The following TGFBRAP1 variants were observed in gnomAD, a reference collection of about 807,000 sequenced individuals.
TGFBRAP1 encodes the protein transforming growth factor beta receptor associated protein 1.
In TGFBRAP1, 20 loss-of-function variants were observed where a neutral mutation model predicts 83.2. The ratio of observed to expected loss-of-function variants is 0.24; its 90% CI spans 0.17 to 0.35. The LOEUF is 0.35. TGFBRAP1 is among the 10% of genes least tolerant of loss of function. TGFBRAP1 has a pLI of 1.00. For synonymous variants in TGFBRAP1, 415 were observed against 459.8 expected (o/e 0.90, Z 1.25); for missense variants, 950 against 1,099.4 (o/e 0.86, Z 1.92).
chr2:105,292,283 G>C (rs1677940575), intron 4 of TGFBRAP1, among the ~76,000 whole-genome samples: 1 of 152,148 alleles, frequency 6.6e-6, no homozygotes, highest in South Asian at 2.1e-4. Context: ...AAAAAATAGG[G>C]AAGAATGAGA....
chr2:105,290,308 C>T (rs754224202), intron 4 of TGFBRAP1, among the ~76,000 whole-genome samples: 1 of 152,156 alleles, frequency 6.6e-6, no homozygotes, highest in Non-Finnish European at 1.5e-5. Context: ...CTCAAGTGAT[C>T]CTCCTGTCTC....
chr2:105,268,862 C>T (rs541559515), intron 11 of TGFBRAP1, among the ~76,000 whole-genome samples: 76 of 152,368 alleles, frequency 5.0e-4, no homozygotes, highest in African/African-American at 1.7e-3. Context: ...CGACTGCTCT[C>T]TGCCTCAATT....
chr2:105,270,215 A>G (rs1677104877), intron 10 of TGFBRAP1, among the ~76,000 whole-genome samples: 1 of 152,232 alleles, frequency 6.6e-6, no homozygotes, highest in African/African-American at 2.4e-5. Flanking sequence ...CATATTATTC[A>G]AAATCCATCT....
chr2:105,296,347 A>G lies in TGFBRAP1; in HGVS notation c.1038+9T>C. On this transcript the variant is annotated intron_variant, in intron 4 of 11. Coordinates refer to ENST00000393359, the MANE Select transcript of TGFBRAP1 (RefSeq NM_004257.6). ...AGAGGCATATTTCTGTGACCAGTTA[A>G]TTACAAACCTGAAATTTTTCCTTTG... The G allele has an allele frequency of 6.2e-7, 1 of 1,613,424 alleles. No individual in the cohort carries two copies. Among genetic ancestry groups the G allele is most frequent in the Non-Finnish European group, 8.5e-7 (1 of 1,179,880 alleles).
At chr2:105,314,080 C>T (rs1435987538) in intron 1 of TGFBRAP1, among the ~76,000 whole-genome samples, 1 of 151,858 alleles carries the variant, frequency 6.6e-6, no homozygotes, top group Non-Finnish European at 1.5e-5. Context: ...AATTTGTACA[C>T]AGAGACAGAT....
chr2:105,292,319 T>A (rs912492741), intron 4 of TGFBRAP1, among the ~76,000 whole-genome samples: 2 of 152,184 alleles, frequency 1.3e-5, no homozygotes, highest in African/African-American at 4.8e-5. Context: ...ACAAGATGCT[T>A]GCTGACTGCC....
At chr2:105,310,858 G>T (rs1369661772) in intron 1 of TGFBRAP1, among the ~76,000 whole-genome samples, 1 of 152,076 alleles carries the variant, frequency 6.6e-6, no homozygotes, top group Non-Finnish European at 1.5e-5. Context: ...AATCAATCAG[G>T]GTTGTCTTTT....
In TGFBRAP1 at chr2:105,272,988, A is replaced by G; in HGVS notation, c.1839T>C (p.Ala613=). The G allele has an allele frequency of 1.2e-6, 2 of 1,613,536 alleles. No individual in the cohort carries two copies. Among genetic ancestry groups the G allele is most frequent in the Non-Finnish European group, 1.7e-6 (2 of 1,179,942 alleles). The change falls in exon 10 of 12, where the codon GCT becomes GCC. Residue 613 remains alanine (A), a synonymous_variant. Coordinates refer to ENST00000393359, the MANE Select transcript of TGFBRAP1 (RefSeq NM_004257.6). ...GCAGCACCTCTTCCAGGTACAGCAC[A>G]GCTAAGTGGGTGTGATACTCTTCTT... The part of the protein sequence containing the change: ...LQKEEYHTHL[A]VLYLEEVLLQ...
At position 105,308,667 on chromosome 2, in the gene TGFBRAP1, C is replaced by T. The variant is rs547580257; in HGVS notation, c.-17-349G>A. Reference sequence around the variant, plus strand: ...GCAGAAGACAAATGCATGCATTCACCCACGGGCAACATAACAAAAGGATTT... The same window carrying T: ...GCAGAAGACAAATGCATGCATTCACTCACGGGCAACATAACAAAAGGATTT... On this transcript the variant is annotated intron_variant, in intron 1 of 11. Transcript: ENST00000393359. Among the ~76,000 whole-genome samples the T allele has an allele frequency of 3.9e-5, 6 of 152,210 alleles. No homozygotes were observed. In the East Asian group the frequency reaches 9.7e-4, roughly 25 times the overall value.
At chr2:105,257,380 G>T in the TGFBRAP1 span, among the ~76,000 whole-genome samples, 1 of 151,954 alleles carries the variant, frequency 6.6e-6, no homozygotes, top group Non-Finnish European at 1.5e-5. Flanking sequence ...ACCACCATCA[G>T]AACAGAAACT....
intron 4 of TGFBRAP1, among the ~76,000 whole-genome samples, chr2:105,295,569 T>A (rs1380725078): frequency 6.6e-6 from 1 of 152,052 alleles, no homozygotes; most frequent in Non-Finnish European, 1.5e-5. Context: ...TCTCAGCACT[T>A]TGGGAGGCGG....
In TGFBRAP1 at chr2:105,272,856, G is replaced by A. The variant is rs61738978; in HGVS notation, c.1971C>T (p.Leu657=). Residue 657 remains leucine, a splice_region_variant and synonymous_variant, in exon 10 of 12, where the codon CTC becomes CTT. Transcript: ENST00000393359. ...KSDLYRVHFL[L]ERLQGAGLPM... ...AGACAATACTGAGATCATCCTCACC[G>A]AGAAGAAAGTGGACTCGGTATAAAT... The A allele has an allele frequency of 5.0e-5, 81 of 1,606,876 alleles. No homozygotes were observed. The highest frequency in any genetic ancestry group is 2.7e-4 in the South Asian group (25 of 91,008).
At chr2:105,291,093 C>G (rs964039847) in intron 4 of TGFBRAP1, among the ~76,000 whole-genome samples, 1 of 152,128 alleles carries the variant, frequency 6.6e-6, no homozygotes, top group Non-Finnish European at 1.5e-5. Context: ...GTCTGTGTCT[C>G]CCTAAAATTC....
intron 1 of TGFBRAP1, among the ~76,000 whole-genome samples, chr2:105,321,013 T>G (rs1041413724): frequency 6.6e-6 from 1 of 152,208 alleles, no homozygotes; most frequent in Non-Finnish European, 1.5e-5. Context: ...AGCCTCAGAA[T>G]GGGCTCTGGG....
rs920446150 is a variant in TGFBRAP1, at chr2:105,329,708, C to T, written c.-101G>A. ...CCGGCCCGCGGCTCCTGGGCTGGCC[C>T]GACCCCGCAGCCGCCGCTTCCCGTC... On this transcript the variant is annotated 5_prime_UTR_variant, in exon 1 of 12. Coordinates refer to ENST00000393359, the MANE Select transcript of TGFBRAP1 (RefSeq NM_004257.6). The T allele has an allele frequency of 1.4e-5, 2 of 147,232 alleles. No individual in the cohort carries two copies. Among genetic ancestry groups the T allele is most frequent in the Admixed American group, 6.8e-5 (1 of 14,770 alleles). The allele number at this position is 147,232 out of a possible 1,614,324, so 9.1% of individuals were successfully genotyped here.
intron 4 of TGFBRAP1, 30 bp downstream of exon 4, chr2:105,296,326 G>A: frequency 6.2e-7 from 1 of 1,612,174 alleles, no homozygotes; most frequent in Non-Finnish European, 8.5e-7. Flanking sequence ...TGACTTAGAG[G>A]CATATTTCTG....
chr2:105,297,019 T>C (rs1678112932), intron 3 of TGFBRAP1, among the ~76,000 whole-genome samples: 1 of 152,100 alleles, frequency 6.6e-6, no homozygotes, highest in Non-Finnish European at 1.5e-5. Context: ...GTCTTGCCAT[T>C]AATGTATTCA....
chr2:105,288,056 G>A (rs1015240615), intron 4 of TGFBRAP1, among the ~76,000 whole-genome samples: 1 of 152,148 alleles, frequency 6.6e-6, no homozygotes, highest in Non-Finnish European at 1.5e-5. Context: ...ATATAATGGA[G>A]TCATTTACTG....
At chr2:105,281,096 C>G (rs1345464551) in intron 5 of TGFBRAP1, among the ~76,000 whole-genome samples, 2 of 152,228 alleles carry the variant, frequency 1.3e-5, no homozygotes, top group Non-Finnish European at 1.5e-5. Context: ...ACCATCACAG[C>G]TCTGCTGAAA....
Sources: allele counts gnomAD v4.1 joint callset (sites outside exome capture counted in the v4.1 genomes callset), GRCh38; gene constraint gnomAD v4.1.1; transcripts MANE v1.5; gene names NCBI Gene and HGNC (gene_info 2026-07-23, HGNC 2026-07-21).